The following NUP205 variants were observed in gnomAD, a reference collection of about 807,000 sequenced individuals.
NUP205 encodes the protein nuclear pore complex protein Nup205.
NUP205 carries 76 observed loss-of-function variants against 253.8 expected under a neutral mutation model. The ratio of observed to expected loss-of-function variants is 0.30; its 90% CI spans 0.25 to 0.36. The LOEUF (loss-of-function observed/expected upper bound fraction) is 0.36. Ranked by LOEUF, NUP205 falls within the 10% of genes least tolerant of loss-of-function variation. NUP205 has a pLI of 1.00. For missense variants in NUP205, 2,162 were observed against 2,425.5 expected, an observed-to-expected ratio of 0.89 and a Z score of 2.28; for synonymous variants, 832 against 850.1, an observed-to-expected ratio of 0.98 and a Z score of 0.37.
intron 34 of NUP205, among the ~76,000 whole-genome samples, chr7:135,629,489 CTCTCTCTCTCTCTCTCTCTCTG>C (rs1181632728): frequency 7.0e-6 from 1 of 143,602 alleles, no homozygotes; most frequent in African/African-American, 2.6e-5. Context: ...CTCTCTCTCT[CTCTCTCTCTCTCTCTCTCTCTG>C]TCTCTCTCTC....
At chr7:135,594,777 G>T in intron 13 of NUP205, 48 bp downstream of exon 13, 21 of 1,441,810 alleles carry the variant, frequency 1.5e-5, no homozygotes, top group Non-Finnish European at 2.0e-5. Context: ...GTGGAAAGTT[G>T]GGCTTGATAA....
At chr7:135,560,173 T>C (rs759574035) in intron 1 of NUP205, among the ~76,000 whole-genome samples, 1 of 151,816 alleles carries the variant, frequency 6.6e-6, no homozygotes. Flanking sequence ...TTTTTGTATT[T>C]TTAGTAGAGA....
chr7:135,588,881 A>C (rs1456407820), intron 10 of NUP205, among the ~76,000 whole-genome samples: 1 of 151,420 alleles, frequency 6.6e-6, no homozygotes, highest in Admixed American at 6.6e-5. Flanking sequence ...TATGATGTGC[A>C]GAGGCAAATA....
rs527702342 is a variant in NUP205, at chr7:135,637,214, G to T, written c.5137-717G>T. 2.8e-4 allele frequency among the ~76,000 whole-genome samples: 43 copies of T among 152,300 alleles called. 1 individual carries two copies. In the South Asian group the frequency reaches 8.7e-3, roughly 31 times the overall value. ...ACAGCCATCTTATAAGATAGGAATT[G>T]TTATTACCACTTTAGAAATGTGAAC... On this transcript the variant is annotated intron_variant, in intron 36 of 42. Transcript: ENST00000285968.
At chr7:135,608,508 G>C (rs1281492156) in intron 22 of NUP205, among the ~76,000 whole-genome samples, 3 of 151,566 alleles carry the variant, frequency 2.0e-5, no homozygotes, top group Admixed American at 6.6e-5. Context: ...AGGAGTTGGA[G>C]ACCAGCCGGG....
intron 10 of NUP205, among the ~76,000 whole-genome samples, chr7:135,590,371 C>T (rs1362515871): frequency 7.0e-6 from 1 of 142,010 alleles, no homozygotes; most frequent in South Asian, 2.2e-4. Context: ...ACCTTGGCCT[C>T]CCAAAGTGCT....
intron 19 of NUP205, among the ~76,000 whole-genome samples, chr7:135,605,106 G>A (rs6959832): frequency 0.45 from 68,841 of 151,646 alleles, 15,879 homozygotes; most frequent in Non-Finnish European, 0.51. Flanking sequence ...CCCAGGCTGG[G>A]GTGCAGTGGC....
chr7:135,569,754 C>T (rs1016040673), intron 1 of NUP205, among the ~76,000 whole-genome samples: 2 of 151,894 alleles, frequency 1.3e-5, no homozygotes, highest in African/African-American at 2.4e-5. Flanking sequence ...AAAATGTGAT[C>T]CTTTTTATAT....
At chr7:135,588,164 A>G (rs559279655) in intron 10 of NUP205, among the ~76,000 whole-genome samples, 172 bp downstream of exon 10, 15 of 152,126 alleles carry the variant, frequency 9.9e-5, no homozygotes, top group Non-Finnish European at 2.1e-4. Flanking sequence ...ATGTTGAGAC[A>G]AAGTCTCACT....
intron 14 of NUP205, 45 bp downstream of exon 14, chr7:135,597,463 T>G: frequency 1.8e-6 from 2 of 1,125,028 alleles, no homozygotes; most frequent in Non-Finnish European, 2.7e-6. Context: ...TTCATGCATG[T>G]AATGATAAGA....
chr7:135,583,327 A>T (rs1180080155), intron 7 of NUP205, among the ~76,000 whole-genome samples: 1 of 152,212 alleles, frequency 6.6e-6, no homozygotes. Context: ...TCAAAATTTA[A>T]GAGCAGTAAT....
chr7:135,629,222 T>G (rs1237952236), intron 34 of NUP205, among the ~76,000 whole-genome samples: 1 of 152,238 alleles, frequency 6.6e-6, no homozygotes, highest in Non-Finnish European at 1.5e-5. Flanking sequence ...GTTTGTAAGC[T>G]AGTTGAGATA....
At chr7:135,616,961 T>G (rs1217634284) in intron 25 of NUP205, 129 bp from the exon 26 acceptor site, 2 of 696,956 alleles carry the variant, frequency 2.9e-6, no homozygotes, top group African/African-American at 3.7e-5. Flanking sequence ...TCCAATACAG[T>G]TTTCAGTTTC....
chr7:135,571,342 T>A, intron 2 of NUP205, 95 bp downstream of exon 2: 1 of 885,844 alleles, frequency 1.1e-6, no homozygotes, highest in Non-Finnish European at 1.5e-6. Flanking sequence ...AATTTTCAAA[T>A]TTTTTTCAGA....
intron 14 of NUP205, 68 bp downstream of exon 14, chr7:135,597,486 A>G: frequency 1.1e-6 from 1 of 918,798 alleles, no homozygotes; most frequent in South Asian, 1.4e-5. Flanking sequence ...TCTATGAATC[A>G]TTCTTACCCT....
intron 35 of NUP205, among the ~76,000 whole-genome samples, chr7:135,630,695 A>G (rs1236230516): frequency 6.6e-6 from 1 of 152,180 alleles, no homozygotes; most frequent in African/African-American, 2.4e-5. Flanking sequence ...AGGCTGAGGC[A>G]GGATGATTGC....
At chr7:135,638,367 A>G (rs1056803670) in intron 37 of NUP205, among the ~76,000 whole-genome samples, 190 bp from the exon 38 acceptor site, 8 of 150,690 alleles carry the variant, frequency 5.3e-5, no homozygotes, top group African/African-American at 2.0e-4. Context: ...GTGAGCCAAG[A>G]TCACGCCACT....
intron 14 of NUP205, 98 bp downstream of exon 14, chr7:135,597,516 C>A: frequency 1.4e-6 from 1 of 718,652 alleles, no homozygotes; most frequent in Admixed American, 2.5e-5. Context: ...CCATAATTAT[C>A]AAATTTAATG....
intron 1 of NUP205, among the ~76,000 whole-genome samples, chr7:135,558,542 C>G (rs1473121124): frequency 1.3e-5 from 2 of 152,066 alleles, no homozygotes; most frequent in Non-Finnish European, 2.9e-5. Flanking sequence ...ACCTTTGGAG[C>G]TGTAGATTTT....
Sources: allele counts gnomAD v4.1 joint callset (sites outside exome capture counted in the v4.1 genomes callset), GRCh38; gene constraint gnomAD v4.1.1; transcripts MANE v1.5; gene names NCBI Gene and HGNC (gene_info 2026-07-23, HGNC 2026-07-21).